KCTD1: variants seen among roughly 807,000 people sequenced by gnomAD.
KCTD1 encodes the protein BTB/POZ domain-containing protein KCTD1.
In KCTD1, 24 loss-of-function variants were observed where a neutral mutation model predicts 66.0. The observed-to-expected ratio is 0.36, with a 90% CI of 0.26 to 0.51. The LOEUF (loss-of-function observed/expected upper bound fraction) is 0.51. Among genes scored for constraint, KCTD1 ranks in the 20% least tolerant of loss-of-function variants. The pLI, the probability that KCTD1 is intolerant of heterozygous loss-of-function variation, is 0.95. For missense variants in KCTD1, 943 were observed against 1,205.2 expected, an observed-to-expected ratio of 0.78 and a Z score of 3.22; for synonymous variants, 511 against 517.2, an observed-to-expected ratio of 0.99 and a Z score of 0.16.
At position 26,578,610 on chromosome 18, in the gene KCTD1, C is replaced by T. The variant is rs113462331; in HGVS notation, c.-16+50537G>A. On this transcript the variant is annotated intron_variant, in intron 1 of 4. Transcript: ENST00000317932. The stretch of plus-strand genomic sequence containing the variant: ...AACCTTGGCCATACCTGTGGATTCT[C>T]CATTGCAGACTCTGGGCTCTAACCC... Among the ~76,000 whole-genome samples, 160 of 152,254 alleles carry T rather than the reference C, an allele frequency of 1.1e-3. 2 individuals carry two copies. Among genetic ancestry groups the T allele is most frequent in the African/African-American group, 3.6e-3 (151 of 41,522 alleles).
intron 1 of KCTD1, among the ~76,000 whole-genome samples, chr18:26,637,109 C>A (rs1262210085): frequency 2.0e-5 from 3 of 152,190 alleles, no homozygotes; most frequent in African/African-American, 7.2e-5. Context: ...ACTGCTGACG[C>A]TTCCAACACT....
chr18:26,611,104 G>T (rs186711387), intron 1 of KCTD1, among the ~76,000 whole-genome samples: 13 of 152,054 alleles, frequency 8.5e-5, no homozygotes, highest in African/African-American at 2.9e-4. Context: ...AGCTGCTTGA[G>T]GTTGTCCCAC....
chr18:26,552,264 A>G (rs998889244), upstream of KCTD1, among the ~76,000 whole-genome samples: 3 of 152,238 alleles, frequency 2.0e-5, no homozygotes, highest in African/African-American at 7.2e-5. Context: ...TATACTATAC[A>G]GAAACATATT....
intron 1 of KCTD1, among the ~76,000 whole-genome samples, chr18:26,523,075 AT>A (rs950323973): frequency 1.3e-4 from 20 of 151,718 alleles, no homozygotes; most frequent in African/African-American, 3.4e-4. Flanking sequence ...CAAAAATTAC[AT>A]TTTTTTTTCC....
At chr18:26,623,966 G>A (rs1987444632) in intron 1 of KCTD1, among the ~76,000 whole-genome samples, 1 of 152,236 alleles carries the variant, frequency 6.6e-6, no homozygotes, top group African/African-American at 2.4e-5. Context: ...ATGAAGTCCA[G>A]GGTGAGGTGG....
At chr18:26,648,552 A>G (rs948311475) in intron 1 of KCTD1, among the ~76,000 whole-genome samples, 1 of 152,200 alleles carries the variant, frequency 6.6e-6, no homozygotes, top group African/African-American at 2.4e-5. Context: ...TTTCCTACTG[A>G]GTGGGCACAG....
chr18:26,563,057 C>A (rs1322347684), intron 1 of KCTD1, among the ~76,000 whole-genome samples: 1 of 152,218 alleles, frequency 6.6e-6, no homozygotes, highest in Non-Finnish European at 1.5e-5. Flanking sequence ...GAGCTAGGAA[C>A]TCTGTAGTCC....
chr18:26,641,583 C>T (rs557575663), upstream of KCTD1, among the ~76,000 whole-genome samples: 9 of 152,196 alleles, frequency 5.9e-5, no homozygotes, highest in African/African-American at 2.2e-4. Flanking sequence ...TCCCACCCCT[C>T]TTATCCCCAA....
chr18:26,539,650 C>G (rs1208949506), intron 1 of KCTD1, among the ~76,000 whole-genome samples: 1 of 152,200 alleles, frequency 6.6e-6, no homozygotes, highest in East Asian at 1.9e-4. Context: ...CCTTATGCCC[C>G]TACAGTGCTC....
chr18:26,523,854 T>C (rs1341992019), intron 1 of KCTD1, among the ~76,000 whole-genome samples: 24 of 152,206 alleles, frequency 1.6e-4, no homozygotes, highest in Admixed American at 1.6e-3. Flanking sequence ...CAACAATTAA[T>C]GTTTAGGAGA....
At chr18:26,613,373 A>G (rs1168271575) in intron 1 of KCTD1, among the ~76,000 whole-genome samples, 4 of 152,180 alleles carry the variant, frequency 2.6e-5, no homozygotes, top group South Asian at 4.2e-4. Flanking sequence ...CTTGGGCCCA[A>G]ACCACCCAGC....
chr18:26,541,465 G>A (rs1984970450), intron 1 of KCTD1, among the ~76,000 whole-genome samples: 1 of 152,160 alleles, frequency 6.6e-6, no homozygotes, highest in African/African-American at 2.4e-5. Flanking sequence ...CAAAATTTAT[G>A]ATATCCACCC....
intron 1 of KCTD1, among the ~76,000 whole-genome samples, chr18:26,613,461 T>C (rs1036335900): frequency 3.9e-5 from 6 of 152,202 alleles, no homozygotes; most frequent in African/African-American, 1.2e-4. Context: ...CTCAGTTCTT[T>C]TCAAGGAAGG....
chr18:26,492,286 T>G (rs1350587333), intron 2 of KCTD1, among the ~76,000 whole-genome samples: 2 of 151,978 alleles, frequency 1.3e-5, no homozygotes, highest in Middle Eastern at 3.4e-3. Flanking sequence ...CAGGCAATTT[T>G]TTGTTGTTGT....
intron 1 of KCTD1, among the ~76,000 whole-genome samples, chr18:26,651,442 A>T (rs1988031602): frequency 6.6e-6 from 1 of 152,164 alleles, no homozygotes; most frequent in Non-Finnish European, 1.5e-5. Flanking sequence ...AGGTACAGCT[A>T]GGGTTAGGGT....
At chr18:26,554,739 T>C (rs1985665520) in intron 1 of KCTD1, among the ~76,000 whole-genome samples, 1 of 152,218 alleles carries the variant, frequency 6.6e-6, no homozygotes, top group African/African-American at 2.4e-5. Flanking sequence ...TCTTTCCACC[T>C]AATAATCACC....
intron 1 of KCTD1, among the ~76,000 whole-genome samples, chr18:26,651,280 C>T (rs1293398575): frequency 6.6e-6 from 1 of 152,178 alleles, no homozygotes; most frequent in Admixed American, 6.5e-5. Flanking sequence ...ACAGAAAGGA[C>T]TATGGGTGTA....
intron 1 of KCTD1, chr18:26,545,596 C>T (rs1985173958): frequency 6.6e-6 from 1 of 151,900 alleles, no homozygotes; most frequent in Non-Finnish European, 1.5e-5. Flanking sequence ...TACCTTCAGA[C>T]CTGCAAAATT....
At chr18:26,593,466 A>C (rs574381946) in intron 1 of KCTD1, among the ~76,000 whole-genome samples, 1 of 107,266 alleles carries the variant, frequency 9.3e-6, no homozygotes, top group East Asian at 3.5e-4. Flanking sequence ...GGAGGAAGAC[A>C]AGGAGAAGGA....
Sources: gnomAD v4.1 joint callset for allele counts (sites outside exome capture counted in the v4.1 genomes callset) on GRCh38, gnomAD v4.1.1 for gene constraint, MANE v1.5 for transcripts, NCBI Gene and HGNC (gene_info 2026-07-23, HGNC 2026-07-21) for gene names.